Variants in ADAM22 observed in about 807,000 individuals in gnomAD.
ADAM22 encodes ADAM metallopeptidase domain 22.
A neutral mutation model predicts 144.6 loss-of-function variants in ADAM22; 65 were observed. The ratio of observed to expected loss-of-function variants is 0.45; its 90% CI spans 0.37 to 0.55. The LOEUF (loss-of-function observed/expected upper bound fraction) is 0.55. ADAM22 is among the 20% of genes least tolerant of loss of function. The pLI, the probability that ADAM22 is intolerant of heterozygous loss-of-function variation, is 0.00. For synonymous variants in ADAM22, 391 were observed against 412.6 expected, an observed-to-expected ratio of 0.95 and a Z score of 0.63; for missense variants, 974 against 1,184.9, an observed-to-expected ratio of 0.82 and a Z score of 2.61.
At chr7:88,188,048 C>T (rs887322024) in intron 30 of ADAM22, among the ~76,000 whole-genome samples, 1 of 151,862 alleles carries the variant, frequency 6.6e-6, no homozygotes, top group Non-Finnish European at 1.5e-5. Context: ...ATCAGGAAGA[C>T]AGGTAAGATG....
intron 2 of ADAM22, among the ~76,000 whole-genome samples, chr7:87,966,978 G>T (rs1279268601): frequency 1.3e-5 from 2 of 151,882 alleles, no homozygotes; most frequent in African/African-American, 4.8e-5. Flanking sequence ...GATGGGGATG[G>T]TTACCTCCAT....
chr7:88,086,991 G>C (rs1818608153), intron 4 of ADAM22, among the ~76,000 whole-genome samples: 1 of 152,056 alleles, frequency 6.6e-6, no homozygotes, highest in Non-Finnish European at 1.5e-5. Flanking sequence ...CAATCCTCAA[G>C]ACAACCTGTA....
At chr7:88,189,608 G>C (rs1849133067) in intron 30 of ADAM22, among the ~76,000 whole-genome samples, 1 of 152,156 alleles carries the variant, frequency 6.6e-6, no homozygotes, top group Admixed American at 6.5e-5. Flanking sequence ...GTAGCAGAGT[G>C]GATACTGATG....
At chr7:88,101,550 C>T (rs1486982614) in intron 4 of ADAM22, among the ~76,000 whole-genome samples, 1 of 152,152 alleles carries the variant, frequency 6.6e-6, no homozygotes, top group Admixed American at 6.6e-5. Flanking sequence ...GTTATTCTAG[C>T]CCCTTTGATC....
chr7:88,069,952 A>C (rs1318119263), intron 3 of ADAM22, among the ~76,000 whole-genome samples: 1 of 152,172 alleles, frequency 6.6e-6, no homozygotes, highest in Non-Finnish European at 1.5e-5. Context: ...TCCTGGGAGC[A>C]GTCCTTTTGT....
At chr7:87,973,690 A>C (rs950853444) in intron 2 of ADAM22, among the ~76,000 whole-genome samples, 44 of 152,356 alleles carry the variant, frequency 2.9e-4, no homozygotes, top group African/African-American at 8.7e-4. Flanking sequence ...AACCAACCCA[A>C]ATGTCCAACA....
intron 14 of ADAM22, among the ~76,000 whole-genome samples, chr7:88,141,664 T>C (rs1282058490): frequency 2.0e-5 from 3 of 152,178 alleles, no homozygotes; most frequent in African/African-American, 7.2e-5. Context: ...TAATTCAGTA[T>C]TTAACACTGT....
intron 3 of ADAM22, among the ~76,000 whole-genome samples, chr7:87,998,964 C>T (rs1287198221): frequency 6.6e-6 from 1 of 152,134 alleles, no homozygotes; most frequent in East Asian, 1.9e-4. Flanking sequence ...ATGATGTGTG[C>T]ATATCATTAC....
chr7:87,971,364 G>A (rs973429344), intron 2 of ADAM22, among the ~76,000 whole-genome samples: 31 of 152,176 alleles, frequency 2.0e-4, no homozygotes, highest in African/African-American at 6.5e-4. Context: ...GATGAAAAAG[G>A]CCTACCAGGA....
intron 2 of ADAM22, among the ~76,000 whole-genome samples, chr7:87,953,408 T>C (rs561296438): frequency 1.3e-5 from 2 of 152,334 alleles, no homozygotes; most frequent in East Asian, 3.9e-4. Context: ...TATCCAGTAG[T>C]CATTCAGGAG....
At chr7:88,011,382 T>C (rs1795354539) in intron 3 of ADAM22, among the ~76,000 whole-genome samples, 1 of 151,812 alleles carries the variant, frequency 6.6e-6, no homozygotes, top group South Asian at 2.1e-4. Flanking sequence ...CTACTAAAAA[T>C]ACAAAAAATT....
At chr7:88,081,714 T>C (rs1412536094) in intron 4 of ADAM22, among the ~76,000 whole-genome samples, 1 of 136,848 alleles carries the variant, frequency 7.3e-6, no homozygotes, top group Non-Finnish European at 1.5e-5. Context: ...GAGAGCTAAA[T>C]CATGAGTGAA....
chr7:88,098,069 T>G (rs1821914135), intron 4 of ADAM22, among the ~76,000 whole-genome samples: 1 of 152,208 alleles, frequency 6.6e-6, no homozygotes, highest in South Asian at 2.1e-4. Flanking sequence ...AGTAGTCTGA[T>G]ATTTGTTATA....
chr7:88,051,674 C>T (rs1000060702), intron 3 of ADAM22, among the ~76,000 whole-genome samples: 12 of 151,840 alleles, frequency 7.9e-5, no homozygotes, highest in African/African-American at 2.9e-4. Flanking sequence ...ACATTGTGCA[C>T]ATGTTTCCCA....
At chr7:87,945,102 C>T (rs1843369332) in intron 2 of ADAM22, among the ~76,000 whole-genome samples, 1 of 151,992 alleles carries the variant, frequency 6.6e-6, no homozygotes, top group African/African-American at 2.4e-5. Flanking sequence ...AGACACTGTG[C>T]CTTGCATGGA....
At chr7:88,126,484 A>G (rs559446216) in intron 8 of ADAM22, among the ~76,000 whole-genome samples, 1 of 152,150 alleles carries the variant, frequency 6.6e-6, no homozygotes, top group South Asian at 2.1e-4. Flanking sequence ...TTTATTGTGA[A>G]TAATTATTGC....
At chr7:88,069,304 G>T (rs1234359462) in intron 3 of ADAM22, among the ~76,000 whole-genome samples, 1 of 151,680 alleles carries the variant, frequency 6.6e-6, no homozygotes, top group Non-Finnish European at 1.5e-5. Context: ...CAGCAAAAAG[G>T]CCCTCACAAG....
chr7:88,035,228 C>G (rs1463481472), intron 3 of ADAM22, among the ~76,000 whole-genome samples: 1 of 152,224 alleles, frequency 6.6e-6, no homozygotes, highest in East Asian at 1.9e-4. Flanking sequence ...TTGTTATACT[C>G]TAGGCAGCAA....
chr7:88,165,006 C>A (rs941529686), intron 23 of ADAM22, among the ~76,000 whole-genome samples: 1 of 152,030 alleles, frequency 6.6e-6, no homozygotes, highest in Non-Finnish European at 1.5e-5. Flanking sequence ...GTTATAGTTA[C>A]ATTTAGATGT....
Sources: allele counts gnomAD v4.1 joint callset (sites outside exome capture counted in the v4.1 genomes callset), GRCh38; gene constraint gnomAD v4.1.1; transcripts MANE v1.5; gene names NCBI Gene and HGNC (gene_info 2026-07-23, HGNC 2026-07-21).